Variants in WDR7 observed in about 807,000 individuals in gnomAD.
The protein encoded by WDR7 is WD repeat-containing protein 7.
Under a neutral mutation model 169.4 loss-of-function variants are expected in WDR7, and 46 were observed. The observed-to-expected ratio is 0.27, with a 90% CI of 0.21 to 0.35. The LOEUF (loss-of-function observed/expected upper bound fraction) is 0.35, where lower values mean the gene tolerates loss of function less well. WDR7 is among the 10% of genes least tolerant of loss of function. WDR7 has a pLI of 1.00. For missense variants in WDR7, 1,534 were observed against 1,859.3 expected (o/e 0.83, Z 3.22); for synonymous variants, 612 against 666.8 (o/e 0.92, Z 1.27).
chr18:56,875,442 T>A (rs924327358), intron 20 of WDR7, among the ~76,000 whole-genome samples: 3 of 152,174 alleles, frequency 2.0e-5, no homozygotes, highest in African/African-American at 7.2e-5. Context: ...TAAATCTAAT[T>A]AAGCTATTCT....
chr18:56,686,847 C>CTA lies in WDR7; in HGVS notation c.598-7_598-6insAT, dbSNP rs72536218. 1.2e-5 allele frequency: 19 copies of CTA among 1,585,000 alleles called. No individual in the cohort carries two copies. Among genetic ancestry groups the CTA allele is most frequent in the Middle Eastern group, 1.7e-4 (1 of 6,012 alleles). On this transcript the variant is annotated splice_polypyrimidine_tract_variant and splice_region_variant and intron_variant, in intron 6 of 27. Coordinates refer to ENST00000254442, the MANE Select transcript of WDR7 (RefSeq NM_015285.3). ...TATTCCTAAATTTTTACAAATCTTT[C>CTA]TTTTCAGGATACTGAGCCAATATTT... is the stretch of plus-strand genomic sequence containing the variant.
chr18:57,029,412 T>C lies in WDR7; in HGVS notation c.*2205T>C, dbSNP rs2048416214. 1 of 152,206 alleles carries C rather than the reference T, an allele frequency of 6.6e-6. No homozygotes were observed. The allele number at this position is 152,206 out of a possible 1,614,324, so 9.4% of individuals were successfully genotyped here. A position where few individuals can be genotyped will look rare whatever the true frequency, so the allele number is the denominator to read the frequency against. On this transcript the variant is annotated 3_prime_UTR_variant, in exon 28 of 28. Coordinates refer to ENST00000254442, the MANE Select transcript of WDR7 (RefSeq NM_015285.3). Reference sequence around the variant, plus strand: ...AACTACTAAACTAATATCTGCATTCTTGTTAACATAAATCTCTCCTTGGCT... The same window carrying C: ...AACTACTAAACTAATATCTGCATTCCTGTTAACATAAATCTCTCCTTGGCT...
intron 14 of WDR7, among the ~76,000 whole-genome samples, chr18:56,741,654 A>C (rs1257095496): frequency 6.6e-6 from 1 of 152,344 alleles, no homozygotes; most frequent in East Asian, 1.9e-4. Flanking sequence ...GGATACTTTG[A>C]AAATTTCCAA....
At chr18:56,754,679 A>G (rs1273071737) in intron 14 of WDR7, among the ~76,000 whole-genome samples, 1 of 152,156 alleles carries the variant, frequency 6.6e-6, no homozygotes, top group African/African-American at 2.4e-5. Flanking sequence ...TTATATGTCA[A>G]TGCATAAATT....
intron 21 of WDR7, among the ~76,000 whole-genome samples, chr18:56,885,806 G>A (rs539898600): frequency 2.4e-3 from 348 of 145,518 alleles, no homozygotes; most frequent in African/African-American, 8.3e-3. Flanking sequence ...CAGCCTAGGC[G>A]ACAGAGCGAG....
intron 21 of WDR7, among the ~76,000 whole-genome samples, chr18:56,911,613 T>C (rs2046553235): frequency 6.6e-6 from 1 of 152,212 alleles, no homozygotes; most frequent in Non-Finnish European, 1.5e-5. Context: ...TCTGGGGTCT[T>C]TGACTGTGTA....
rs775024927 is a variant in WDR7, at chr18:56,780,085, T to G, written c.3066+536T>G. Among the ~76,000 whole-genome samples, 90 of 152,278 alleles carry G rather than the reference T, an allele frequency of 5.9e-4. 1 individual carries two copies. Among genetic ancestry groups the G allele is most frequent in the Non-Finnish European group, 9.3e-4 (63 of 68,018 alleles). ...TTTATAAAGTGGGGATAATAATATATTCCTCATGGGATTGCCGTCAGGATC... is the reference window on the plus strand; with the variant it reads ...TTTATAAAGTGGGGATAATAATATAGTCCTCATGGGATTGCCGTCAGGATC... On this transcript the variant is annotated intron_variant, in intron 18 of 27. Transcript: ENST00000254442.
intron 26 of WDR7, among the ~76,000 whole-genome samples, chr18:56,994,289 G>T (rs951831616): frequency 1.3e-5 from 2 of 152,048 alleles, no homozygotes; most frequent in African/African-American, 4.8e-5. Flanking sequence ...CTCCCAAAGT[G>T]CTAGGATTAC....
chr18:56,694,550 A>C, intron 9 of WDR7, 69 bp from the exon 10 acceptor site: 1 of 1,461,872 alleles, frequency 6.8e-7, no homozygotes, highest in East Asian at 2.3e-5. Flanking sequence ...CTTTGTTTGA[A>C]AAGCATTAAT....
rs1034607224 is a variant in WDR7 at position 56,719,329 on chromosome 18, C to T, written c.1774+1170C>T. The stretch of plus-strand genomic sequence containing the variant: ...CTGTAATCCTAGCACTTTGGGAGGC[C>T]GAGACGGGCGGATCACGAGGTCAGG... On this transcript the variant is annotated intron_variant, in intron 13 of 27. Coordinates refer to ENST00000254442, the MANE Select transcript of WDR7 (RefSeq NM_015285.3). 6.6e-5 allele frequency among the ~76,000 whole-genome samples: 10 copies of T among 151,844 alleles called. No homozygotes were observed. In the East Asian group the frequency reaches 1.4e-3, roughly 21 times the overall value.
chr18:56,910,845 C>T (rs957829896), intron 21 of WDR7, among the ~76,000 whole-genome samples: 6 of 152,124 alleles, frequency 3.9e-5, no homozygotes, highest in Admixed American at 2.6e-4. Context: ...AAAGGATCAG[C>T]GCATCCTTAT....
intron 7 of WDR7, among the ~76,000 whole-genome samples, chr18:56,690,791 G>T (rs939161319): frequency 1.3e-5 from 2 of 148,916 alleles, no homozygotes; most frequent in Non-Finnish European, 3.0e-5. Context: ...CTTCAGCCTG[G>T]GTGGCAGAGC....
At position 56,757,353 on chromosome 18, in the gene WDR7, G is replaced by A. The variant is rs1418265699; in HGVS notation, c.2759+1G>A. ...ATCATATGAAGAAGGGTCCTACCAG[G>A]TGTGACCATGATAGTTTGATTTTAT... On this transcript the variant is annotated splice_donor_variant, in intron 15 of 27. Transcript: ENST00000254442. LOFTEE classifies it high-confidence loss of function. The A allele has an allele frequency of 3.1e-6, 5 of 1,587,516 alleles. No homozygotes were observed. In the Admixed American group the frequency reaches 8.7e-5, roughly 28 times the overall value.
intron 14 of WDR7, among the ~76,000 whole-genome samples, chr18:56,737,978 A>G (rs923965627): frequency 2.0e-5 from 3 of 152,144 alleles, no homozygotes; most frequent in Non-Finnish European, 4.4e-5. Context: ...ATATATTCAT[A>G]AGTATGTAAG....
At chr18:56,757,409 A>G (rs1474347730) in intron 15 of WDR7, 57 bp downstream of exon 15, 2 of 1,454,470 alleles carry the variant, frequency 1.4e-6, no homozygotes, top group African/African-American at 2.8e-5. Flanking sequence ...AACCTGTTTT[A>G]TTTTTTCATT....
rs117384019 is a variant in WDR7, at chr18:57,005,834, C to A, written c.4165-14911C>A. Among the ~76,000 whole-genome samples the A allele has an allele frequency of 2.8e-4, 43 of 152,266 alleles. No homozygotes were observed. In the East Asian group the frequency reaches 8.3e-3, roughly 29 times the overall value. On this transcript the variant is annotated intron_variant, in intron 26 of 27. Transcript: ENST00000254442. The stretch of plus-strand genomic sequence containing the variant: ...ATGAGCTAAAAACAAAAAATCTCAT[C>A]TTTTAAGAAAGTTTATGAATTTGTG...
chr18:56,694,643 C>G lies in WDR7; in HGVS notation c.991C>G (p.Arg331Gly), dbSNP rs768375730. The G allele has an allele frequency of 3.1e-6, 5 of 1,610,002 alleles. No homozygotes were observed. In the Admixed American group the frequency reaches 5.0e-5, roughly 16 times the overall value. The change falls in exon 10 of 28, where the codon CGG becomes GGG. Residue 331 changes from arginine (R) to glycine (G), a missense_variant. Transcript: ENST00000254442. ...KELLICPPVTRFFYGCREYFH... is the reference protein window; with the variant it reads ...KELLICPPVTGFFYGCREYFH... Reference sequence around the variant, plus strand: ...GTTGCTAATTTGTCCTCCTGTTACTCGGTTCTTCTATGGATGCAGAGAATA... The same window carrying G: ...GTTGCTAATTTGTCCTCCTGTTACTGGGTTCTTCTATGGATGCAGAGAATA...
At chr18:56,669,971 T>G (rs966892449) in intron 1 of WDR7, among the ~76,000 whole-genome samples, 15 of 152,284 alleles carry the variant, frequency 9.9e-5, no homozygotes, top group East Asian at 5.8e-4. Flanking sequence ...TACATTGCCC[T>G]TTTTTCCCCT....
chr18:56,846,665 G>A (rs1300504161), intron 20 of WDR7, among the ~76,000 whole-genome samples: 1 of 152,110 alleles, frequency 6.6e-6, no homozygotes, highest in Non-Finnish European at 1.5e-5. Context: ...TCTCATTCTG[G>A]TAGTTCATGT....
Sources: gnomAD v4.1 joint callset for allele counts (sites outside exome capture counted in the v4.1 genomes callset) on GRCh38, gnomAD v4.1.1 for gene constraint, MANE v1.5 for transcripts, NCBI Gene and HGNC (gene_info 2026-07-23, HGNC 2026-07-21) for gene names.